Variants in TOPAZ1 observed in about 807,000 individuals in gnomAD.
TOPAZ1 encodes protein TOPAZ1.
A neutral mutation model predicts 172.2 loss-of-function variants in TOPAZ1; 66 were observed. The observed-to-expected ratio is 0.38, with a 90% CI of 0.31 to 0.47. TOPAZ1 has a LOEUF of 0.47. Among genes scored for constraint, TOPAZ1 ranks in the 20% least tolerant of loss-of-function variants. The pLI, the probability that TOPAZ1 is intolerant of heterozygous loss-of-function variation, is 0.99. For synonymous variants in TOPAZ1, 681 were observed against 683.9 expected, an observed-to-expected ratio of 1.00 and a Z score of 0.07; for missense variants, 1,822 against 1,972.4, an observed-to-expected ratio of 0.92 and a Z score of 1.44.
intron 2 of TOPAZ1, among the ~76,000 whole-genome samples, chr3:44,246,604 G>A (rs369739505): frequency 2.0e-5 from 3 of 151,928 alleles, no homozygotes; most frequent in East Asian, 1.9e-4. Context: ...TTTTGAAGAT[G>A]GAAAAAAATG....
At chr3:44,270,266 A>G (rs1699881138) in intron 7 of TOPAZ1, among the ~76,000 whole-genome samples, 1 of 152,312 alleles carries the variant, frequency 6.6e-6, no homozygotes. Flanking sequence ...AACTTTTTGT[A>G]AAAGCAGAGA....
rs543502279 is a variant in TOPAZ1 at position 44,250,827 on chromosome 3, C to T, written c.2766-4141C>T. Among the ~76,000 whole-genome samples the T allele has an allele frequency of 3.9e-5, 6 of 152,222 alleles. No individual in the cohort carries two copies. The East Asian group carries it at 5.8e-4, about 15-fold the overall frequency. ...TTTTTTTCTTTTCTCTTTCAGGCCA[C>T]GTAAACTAGTCTTTGTCTTTGCTGG... On this transcript the variant is annotated intron_variant, in intron 2 of 19. Transcript: ENST00000309765.
chr3:44,266,994 C>A lies in TOPAZ1; in HGVS notation c.3021-3C>A. ...TCTGATGTTAATTTTTCCTTTCACA[C>A]AGCAAAGATTCTAGAAATGCAGACT... is the stretch of plus-strand genomic sequence containing the variant. On this transcript the variant is annotated splice_region_variant and splice_polypyrimidine_tract_variant and intron_variant, in intron 5 of 19. Transcript: ENST00000309765. The A allele has an allele frequency of 6.5e-7, 1 of 1,531,480 alleles. No homozygotes were observed. Among genetic ancestry groups the A allele is most frequent in the South Asian group, 1.3e-5 (1 of 79,584 alleles). 94.9% of individuals were successfully genotyped at this position (1,531,480 alleles called of 1,614,324 possible).
chr3:44,269,345 T>C (rs1303231746), intron 7 of TOPAZ1, 44 bp downstream of exon 7: 5 of 1,132,698 alleles, frequency 4.4e-6, no homozygotes, highest in East Asian at 5.2e-5. Context: ...CTCTTTCTCC[T>C]CCCCCTCCTC....
downstream of TOPAZ1, chr3:44,332,223 C>G (rs927073572): frequency 6.0e-6 from 3 of 501,510 alleles, no homozygotes; most frequent in Admixed American, 1.1e-4. Flanking sequence ...TACTTTTTGA[C>G]TTTAAAAGAA....
At chr3:44,305,451 C>A in intron 14 of TOPAZ1, 130 bp downstream of exon 14, 1 of 664,410 alleles carries the variant, frequency 1.5e-6, no homozygotes, top group Non-Finnish European at 2.3e-6. Context: ...CTCACCGCAG[C>A]CTCGAACTCC....
chr3:44,242,486 C>T, intron 1 of TOPAZ1, 87 bp downstream of exon 1: 3 of 1,337,742 alleles, frequency 2.2e-6, no homozygotes, highest in East Asian at 2.5e-5. Context: ...TTAACTTGAA[C>T]CTGCATGGTT....
intron 14 of TOPAZ1, among the ~76,000 whole-genome samples, chr3:44,306,031 C>T (rs1313175901): frequency 6.6e-6 from 1 of 152,176 alleles, no homozygotes; most frequent in South Asian, 2.1e-4. Flanking sequence ...GACCTGAGCT[C>T]TTTACTACTG....
At position 44,309,890 on chromosome 3, in the gene TOPAZ1, A is replaced by G. The variant is rs1490633701; in HGVS notation, c.4206A>G (p.Ile1402Met). Residue 1402 changes from isoleucine (I) to methionine (M), a missense_variant, in exon 16 of 20, where the codon ATA becomes ATG. Ile to Met is a conservative substitution (Grantham distance 10, BLOSUM62 1). Around this residue, in one of 2 missense-constraint regions of TOPAZ1, gnomAD observed 333 missense variants for 481.7 expected, o/e 0.69. Coordinates refer to ENST00000309765, the MANE Select transcript of TOPAZ1 (RefSeq NM_001145030.2). ...KIHFTSLKGL[I>M]GPEKLASRCQ... ...ACTTTACAAGTTTAAAAGGACTTAT[A>G]GGGCCTGAGAAGTTAGCATCAAGAT... is the stretch of plus-strand genomic sequence containing the variant. 4 of 1,549,708 alleles carry G rather than the reference A, an allele frequency of 2.6e-6. No homozygotes were observed. The highest frequency in any genetic ancestry group is 3.5e-6 in the Non-Finnish European group (4 of 1,145,300).
At chr3:44,319,631 A>G (rs1372217797) in intron 16 of TOPAZ1, among the ~76,000 whole-genome samples, 1 of 152,214 alleles carries the variant, frequency 6.6e-6, no homozygotes, top group Admixed American at 6.5e-5. Context: ...ATTTCTCTCT[A>G]TATTAAAATG....
intron 8 of TOPAZ1, among the ~76,000 whole-genome samples, chr3:44,275,154 T>C (rs1699939703): frequency 6.6e-6 from 1 of 151,960 alleles, no homozygotes; most frequent in African/African-American, 2.4e-5. Context: ...ATCAATCAAG[T>C]CAGGGTATTT....
Position 44,245,093 on chromosome 3 carries a change from T to C in TOPAZ1, c.2587T>C (p.Leu863=). The C allele has an allele frequency of 6.4e-7, 1 of 1,551,940 alleles. No homozygotes were observed. Among genetic ancestry groups the C allele is most frequent in the Non-Finnish European group, 8.7e-7 (1 of 1,147,044 alleles). Residue 863 remains leucine, a synonymous_variant, in exon 2 of 20, where the codon TTA becomes CTA. Coordinates refer to ENST00000309765, the MANE Select transcript of TOPAZ1 (RefSeq NM_001145030.2). ...TAAAGCATATGAAGATGACGTCCTC[T>C]TAATTGATGTAATTCAAGATGACCC... ...ILKAYEDDVL[L]IDVIQDDPDL...
At chr3:44,296,739 G>C (rs1700199851) in intron 12 of TOPAZ1, among the ~76,000 whole-genome samples, 1 of 144,256 alleles carries the variant, frequency 6.9e-6, no homozygotes, top group Non-Finnish European at 1.5e-5. Flanking sequence ...ATTCAAAGAA[G>C]AATCAGCATG....
intron 4 of TOPAZ1, among the ~76,000 whole-genome samples, chr3:44,259,163 C>T (rs1035559233): frequency 1.3e-4 from 20 of 152,180 alleles, no homozygotes; most frequent in African/African-American, 4.8e-4. Flanking sequence ...GTGGTTCCAA[C>T]TAGGGCCTGC....
chr3:44,254,608 CAA>C (rs1276740765), intron 2 of TOPAZ1, among the ~76,000 whole-genome samples: 1 of 98,388 alleles, frequency 1.0e-5, no homozygotes, highest in African/African-American at 4.2e-5. Context: ...GCCTGGGCAA[CAA>C]GAGCGAAACT....
Position 44,287,424 on chromosome 3 carries a change from C to A in TOPAZ1, c.3472C>A (p.Pro1158Thr), listed in dbSNP as rs554276202. ...IFMEYYRKFP[P>T]GVYFDLQVLN... Reference sequence around the variant, plus strand: ...TATGGAGTACTACAGAAAGTTTCCCCCAGGTGTATACTTTGATTTACAAGT... The same window carrying A: ...TATGGAGTACTACAGAAAGTTTCCCACAGGTGTATACTTTGATTTACAAGT... Residue 1158 changes from proline (P) to threonine (T), a missense_variant, in exon 10 of 20, where the codon CCA (proline) becomes ACA (threonine). Pro to Thr is a conservative substitution (Grantham distance 38). Coordinates refer to ENST00000309765, the MANE Select transcript of TOPAZ1 (RefSeq NM_001145030.2). The A allele has an allele frequency of 2.0e-6, 3 of 1,511,604 alleles. No homozygotes were observed. The highest frequency in any genetic ancestry group is 2.7e-6 in the Non-Finnish European group (3 of 1,127,696). The allele number at this position is 1,511,604 out of a possible 1,614,324, so 93.6% of individuals were successfully genotyped here. A position where few individuals can be genotyped will look rare whatever the true frequency, so the allele number is the denominator to read the frequency against.
At chr3:44,267,271 G>T (rs2125685150) in intron 6 of TOPAZ1, 135 bp downstream of exon 6, 2 of 570,220 alleles carry the variant, frequency 3.5e-6, no homozygotes, top group Non-Finnish European at 5.4e-6. Context: ...TAGAAGGTTT[G>T]TGCACCTTTA....
At chr3:44,274,016 A>G (rs1037608962) in intron 8 of TOPAZ1, among the ~76,000 whole-genome samples, 7 of 152,100 alleles carry the variant, frequency 4.6e-5, no homozygotes, top group African/African-American at 1.7e-4. Context: ...GCGGTGGCTC[A>G]TGCCTGTAAT....
In TOPAZ1 at chr3:44,245,190, C is replaced by G; in HGVS notation, c.2684C>G (p.Pro895Arg). The G allele has an allele frequency of 6.4e-7, 1 of 1,551,714 alleles. No individual in the cohort carries two copies. The change falls in exon 2 of 20, where the codon CCC becomes CGC. Residue 895 changes from proline to arginine, a missense_variant. Pro to Arg is a moderately radical substitution (Grantham distance 103, BLOSUM62 -2). Around this residue, in one of 2 missense-constraint regions of TOPAZ1, gnomAD observed 1,489 missense variants for 1,490.8 expected, o/e 1.00. Transcript: ENST00000309765. The part of the protein sequence containing the change: ...TSEVPKISQE[P>R]NVAGEHQSTD... ...GAGGTCCCAAAGATAAGCCAGGAGC[C>G]CAATGTTGCTGGAGAGCACCAATCA... is the stretch of plus-strand genomic sequence containing the variant.
Sources: allele counts gnomAD v4.1 joint callset (sites outside exome capture counted in the v4.1 genomes callset), GRCh38; gene constraint gnomAD v4.1.1; regional missense constraint gnomAD v4.1.1; transcripts MANE v1.5; gene names NCBI Gene and HGNC (gene_info 2026-07-23, HGNC 2026-07-21).